GXYLT1: variants seen among roughly 807,000 people sequenced by gnomAD.
GXYLT1 encodes glycosyltransferase 8 domain containing 3.
A neutral mutation model predicts 54.0 loss-of-function variants in GXYLT1; 29 were observed. The ratio of observed to expected loss-of-function variants is 0.54; its 90% CI spans 0.40 to 0.73. GXYLT1 has a LOEUF of 0.73. Among genes scored for constraint, GXYLT1 ranks in the 30% least tolerant of loss-of-function variants. The probability of loss-of-function intolerance (pLI) is 0.00; values close to 1 mark genes in which losing one functional copy is unlikely to be tolerated. For synonymous variants in GXYLT1, 176 were observed against 204.1 expected (o/e 0.86, Z 1.17); for missense variants, 490 against 553.4 (o/e 0.89, Z 1.15).
chr12:42,144,709 G>A lies in GXYLT1; in HGVS notation c.-63C>T. ...GCCCGCCCCGACGAACTGGAGCGGA[G>A]GGAGGGGCACCGCGCAGCCGCGGGC... On this transcript the variant is annotated 5_prime_UTR_variant, in exon 1 of 8. Transcript: ENST00000398675. 3.4e-6 allele frequency: 4 copies of A among 1,184,490 alleles called. No homozygotes were observed. Among genetic ancestry groups the A allele is most frequent in the South Asian group, 3.6e-5 (2 of 56,094 alleles). 73.4% of individuals were successfully genotyped at this position (1,184,490 alleles called of 1,614,324 possible).
At chr12:42,139,947 C>A (rs766912705) in intron 1 of GXYLT1, among the ~76,000 whole-genome samples, 5 of 151,892 alleles carry the variant, frequency 3.3e-5, no homozygotes, top group Non-Finnish European at 5.9e-5. Flanking sequence ...TTTGGGAAGC[C>A]GAGGTGGGCG....
chr12:42,122,772 T>C (rs117984700), intron 2 of GXYLT1, among the ~76,000 whole-genome samples: 3 of 152,124 alleles, frequency 2.0e-5, no homozygotes, highest in East Asian at 1.9e-4. Flanking sequence ...AAATAATCAG[T>C]GGATGCTAAA....
At chr12:42,134,940 A>G (rs1290305003) in intron 1 of GXYLT1, among the ~76,000 whole-genome samples, 2 of 152,068 alleles carry the variant, frequency 1.3e-5, no homozygotes, top group African/African-American at 4.8e-5. Context: ...GGCAATCTCT[A>G]TTTGTGTAGT....
intron 7 of GXYLT1, among the ~76,000 whole-genome samples, chr12:42,096,074 G>C (rs1244342806): frequency 1.3e-5 from 2 of 152,152 alleles, no homozygotes; most frequent in Non-Finnish European, 2.9e-5. Flanking sequence ...TCTAACTGTG[G>C]AAGAAAGAAG....
intron 5 of GXYLT1, among the ~76,000 whole-genome samples, chr12:42,098,428 T>C (rs1300021208): frequency 7.5e-6 from 1 of 134,082 alleles, no homozygotes; most frequent in Non-Finnish European, 1.6e-5. Context: ...TTAGCTATTA[T>C]TATTTTTTAC....
At position 42,118,239 on chromosome 12, in the gene GXYLT1, G is replaced by A. The variant is rs529006612; in HGVS notation, c.486+761C>T. Among the ~76,000 whole-genome samples, 12 of 152,198 alleles carry A rather than the reference G, an allele frequency of 7.9e-5. No homozygotes were observed. In the South Asian group the frequency reaches 1.0e-3, roughly 13 times the overall value. On this transcript the variant is annotated intron_variant, in intron 3 of 7. Coordinates refer to ENST00000398675, the MANE Select transcript of GXYLT1 (RefSeq NM_173601.2). Reference sequence around the variant, plus strand: ...TTATCAGAACCAGAAGCCACTTCCCGCCATATTATTAATCAAGAATTCTCT... The same window carrying A: ...TTATCAGAACCAGAAGCCACTTCCCACCATATTATTAATCAAGAATTCTCT...
Position 42,083,581 on chromosome 12 carries a change from G to A in GXYLT1, c.*4205C>T, listed in dbSNP as rs1460773612. On this transcript the variant is annotated 3_prime_UTR_variant, in exon 8 of 8. Transcript: ENST00000398675. ...TCAAAGAGGTTCTGACTACTACTAA[G>A]GTATTTATTAAATACAAATATCTGA... 6.6e-6 allele frequency: 1 copy of A among 152,028 alleles called. No individual in the cohort carries two copies. The highest frequency in any genetic ancestry group is 2.4e-5 in the African/African-American group (1 of 41,388). The allele number at this position is 152,028 out of a possible 1,614,324, so 9.4% of individuals were successfully genotyped here.
intron 1 of GXYLT1, 34 bp downstream of exon 1, chr12:42,144,392 C>G: frequency 7.5e-7 from 1 of 1,331,508 alleles, no homozygotes; most frequent in Non-Finnish European, 9.7e-7. Context: ...CGCCCCGCGC[C>G]CGCCGCGTCC....
intron 3 of GXYLT1, among the ~76,000 whole-genome samples, chr12:42,110,249 T>G (rs2065445208): frequency 6.6e-6 from 1 of 152,242 alleles, no homozygotes; most frequent in African/African-American, 2.4e-5. Flanking sequence ...AAATCTATGA[T>G]GAACATGTTT....
In GXYLT1 at chr12:42,114,576, C is replaced by G. The variant is rs528182788; in HGVS notation, c.486+4424G>C. The stretch of plus-strand genomic sequence containing the variant: ...ACACATACATCCTCCCAAGACTAAA[C>G]CAGGAAGAAGTTGAATCTCTGAATA... On this transcript the variant is annotated intron_variant, in intron 3 of 7. Coordinates refer to ENST00000398675, the MANE Select transcript of GXYLT1 (RefSeq NM_173601.2). Among the ~76,000 whole-genome samples, 22 of 152,166 alleles carry G rather than the reference C, an allele frequency of 1.4e-4. No individual in the cohort carries two copies. The South Asian group carries it at 4.6e-3, about 32-fold the overall frequency.
intron 2 of GXYLT1, among the ~76,000 whole-genome samples, chr12:42,127,825 T>C (rs1002598076): frequency 6.6e-6 from 1 of 152,236 alleles, no homozygotes; most frequent in Non-Finnish European, 1.5e-5. Context: ...TATCCAAAAG[T>C]ATAACCAAAC....
Position 42,086,745 on chromosome 12 carries a change from AACTT to A in GXYLT1, c.*1037_*1040del, listed in dbSNP as rs1022243264. 1 of 150,408 alleles carries A rather than the reference AACTT, an allele frequency of 6.6e-6. No homozygotes were observed. The highest frequency in any genetic ancestry group is 1.5e-5 in the Non-Finnish European group (1 of 67,308). The allele number at this position is 150,408 out of a possible 1,614,324, so 9.3% of individuals were successfully genotyped here. ...TCCAAATCATCCACTTAAGTTGTTT[AACTT>A]ACTTAAAGTAAGGCTCTAGACATTT... On this transcript the variant is annotated 3_prime_UTR_variant, in exon 8 of 8. Transcript: ENST00000398675.
chr12:42,105,966 G>A lies in GXYLT1; in HGVS notation c.716C>T (p.Thr239Ile), dbSNP rs750210707. ...IWSLLKKFNSTQIAAMAPEHE... is the reference protein window; with the variant it reads ...IWSLLKKFNSIQIAAMAPEHE... ...TTCTGGTGCCATTGCAGCAATTTGT[G>A]TGGAATTAAATTTCTTTAGTAAAGA... Residue 239 changes from threonine to isoleucine, a missense_variant, in exon 5 of 8, where the codon ACA becomes ATA. Transcript: ENST00000398675. 1 of 1,614,020 alleles carries A rather than the reference G, an allele frequency of 6.2e-7. No individual in the cohort carries two copies. The highest frequency in any genetic ancestry group is 1.1e-5 in the South Asian group (1 of 91,080).
At chr12:42,110,298 G>A (rs1345651671) in intron 3 of GXYLT1, among the ~76,000 whole-genome samples, 2 of 152,094 alleles carry the variant, frequency 1.3e-5, no homozygotes, top group Non-Finnish European at 2.9e-5. Flanking sequence ...ATACTGAATT[G>A]TTTCTAATTC....
intron 7 of GXYLT1, among the ~76,000 whole-genome samples, chr12:42,089,136 A>G (rs1194670766): frequency 6.6e-6 from 1 of 152,060 alleles, no homozygotes; most frequent in East Asian, 1.9e-4. Context: ...TTTTGAAGAT[A>G]AAAGTTTTAA....
At chr12:42,093,205 C>A (rs1283754640) in intron 7 of GXYLT1, among the ~76,000 whole-genome samples, 1 of 152,240 alleles carries the variant, frequency 6.6e-6, no homozygotes, top group Non-Finnish European at 1.5e-5. Context: ...TCAAGCGATT[C>A]TCTTGCCTCA....
At chr12:42,115,235 C>G (rs1480809116) in intron 3 of GXYLT1, among the ~76,000 whole-genome samples, 1 of 152,180 alleles carries the variant, frequency 6.6e-6, no homozygotes, top group Non-Finnish European at 1.5e-5. Flanking sequence ...CAGGGATGCC[C>G]TCTCTCACCA....
intron 3 of GXYLT1, among the ~76,000 whole-genome samples, chr12:42,111,316 C>T (rs960032970): frequency 6.6e-6 from 1 of 152,216 alleles, no homozygotes; most frequent in South Asian, 2.1e-4. Context: ...GTGCGCGAGC[C>T]GAACCGGGGC....
intron 3 of GXYLT1, among the ~76,000 whole-genome samples, chr12:42,113,672 C>CATT (rs1362593482): frequency 4.5e-4 from 67 of 150,052 alleles, no homozygotes; most frequent in African/African-American, 1.4e-3. Context: ...GACTCCCACA[C>CATT]AATAATGGGA....
Sources: allele counts gnomAD v4.1 joint callset (sites outside exome capture counted in the v4.1 genomes callset), GRCh38; gene constraint gnomAD v4.1.1; transcripts MANE v1.5; gene names NCBI Gene and HGNC (gene_info 2026-07-23, HGNC 2026-07-21).